RNF150: variants seen among roughly 807,000 people sequenced by gnomAD.
RNF150 encodes the protein ring finger protein 150.
A neutral mutation model predicts 39.3 loss-of-function variants in RNF150; 24 were observed. The observed-to-expected ratio is 0.61, with a 90% CI of 0.44 to 0.86. The LOEUF (loss-of-function observed/expected upper bound fraction) is 0.86, where lower values mean the gene tolerates loss of function less well. Among genes scored for constraint, RNF150 ranks in the 40% least tolerant of loss-of-function variants. The pLI, the probability that RNF150 is intolerant of heterozygous loss-of-function variation, is 0.00. For synonymous variants in RNF150, 255 were observed against 227.3 expected (o/e 1.12, Z -1.10); for missense variants, 502 against 587.8 (o/e 0.85, Z 1.51).
At chr4:140,964,776 A>G (rs1261304197) in intron 2 of RNF150, among the ~76,000 whole-genome samples, 1 of 152,048 alleles carries the variant, frequency 6.6e-6, no homozygotes, top group Non-Finnish European at 1.5e-5. Flanking sequence ...AAAATAGAGC[A>G]ATAAAGAAAA....
chr4:141,024,751 G>A (rs1487131561), intron 1 of RNF150, among the ~76,000 whole-genome samples: 2 of 152,096 alleles, frequency 1.3e-5, no homozygotes, highest in East Asian at 1.9e-4. Context: ...CAGGCAAAAC[G>A]GAGGTGCTGA....
At chr4:141,199,273 T>C (rs1322816981) in intron 1 of RNF150, among the ~76,000 whole-genome samples, 1 of 152,234 alleles carries the variant, frequency 6.6e-6, no homozygotes, top group African/African-American at 2.4e-5. Context: ...GCTGGTGGGA[T>C]TGCAAAATTT....
chr4:141,032,335 T>C (rs944728350), intron 1 of RNF150, among the ~76,000 whole-genome samples: 3 of 152,144 alleles, frequency 2.0e-5, no homozygotes, highest in African/African-American at 7.2e-5. Flanking sequence ...TTCAGTTAGA[T>C]AGAAGGAGTA....
chr4:141,073,577 A>G (rs1737784568), intron 1 of RNF150, among the ~76,000 whole-genome samples: 1 of 152,032 alleles, frequency 6.6e-6, no homozygotes, highest in South Asian at 2.1e-4. Context: ...TACTACTCAC[A>G]ATACTTATTA....
Position 140,999,977 on chromosome 4 carries a change from A to AGAAGAAGAAGAAGAAGAAGAAG in RNF150, c.485-32105_485-32104insCTTCTTCTTCTTCTTCTTCTTC, listed in dbSNP as rs70946722. Among the ~76,000 whole-genome samples the AGAAGAAGAAGAAGAAGAAGAAG allele has an allele frequency of 1.7e-4, 6 of 34,676 alleles. 1 individual carries two copies. Among genetic ancestry groups the AGAAGAAGAAGAAGAAGAAGAAG allele is most frequent in the Admixed American group, 4.1e-4 (1 of 2,436 alleles). The allele number at this position is 34,676 out of a possible 152,430, so 22.7% of individuals were successfully genotyped here. A position where few individuals can be genotyped will look rare whatever the true frequency, so the allele number is the denominator to read the frequency against. On this transcript the variant is annotated intron_variant, in intron 1 of 6. Transcript: ENST00000515673. ...AAGAAGAAGAAGAAGAAGAAGAAGAAAAGAAGAAAAGAAGAAAAGAAGAAG... is the reference window on the plus strand; with the variant it reads ...AAGAAGAAGAAGAAGAAGAAGAAGAAGAAGAAGAAGAAGAAGAAGAAGAAGAAGAAAAGAAGAAAAGAAGAAG...
chr4:141,103,095 G>T (rs2111040923), intron 1 of RNF150, among the ~76,000 whole-genome samples: 1 of 152,230 alleles, frequency 6.6e-6, no homozygotes, highest in Non-Finnish European at 1.5e-5. Context: ...AACTGTGTAG[G>T]CTCCATCAGT....
At chr4:141,035,768 G>A (rs1054593622) in intron 1 of RNF150, among the ~76,000 whole-genome samples, 1 of 152,166 alleles carries the variant, frequency 6.6e-6, no homozygotes, top group African/African-American at 2.4e-5. Context: ...ATAATGGTAT[G>A]TGGAAAAGAT....
chr4:140,932,480 A>T (rs1365337307), intron 4 of RNF150, among the ~76,000 whole-genome samples: 1 of 152,190 alleles, frequency 6.6e-6, no homozygotes, highest in Non-Finnish European at 1.5e-5. Context: ...TCAGCTGCAG[A>T]GCTAGGATTC....
chr4:141,179,393 G>T (rs1194814190), intron 1 of RNF150, among the ~76,000 whole-genome samples: 2 of 152,160 alleles, frequency 1.3e-5, no homozygotes, highest in African/African-American at 4.8e-5. Context: ...TAGTTCAATA[G>T]TAATTTGTTT....
At chr4:141,185,000 C>G (rs1727979337) in intron 1 of RNF150, among the ~76,000 whole-genome samples, 1 of 87,742 alleles carries the variant, frequency 1.1e-5, no homozygotes, top group Non-Finnish European at 2.4e-5. Context: ...ATTGTCTTGG[C>G]TATACAGGCT....
chr4:140,952,547 G>A (rs2321688), intron 2 of RNF150, among the ~76,000 whole-genome samples: 2 of 152,180 alleles, frequency 1.3e-5, no homozygotes, highest in African/African-American at 4.8e-5. Flanking sequence ...GAGAAAAAAC[G>A]CTTTCCACGC....
chr4:141,183,673 C>T (rs943183053), intron 1 of RNF150, among the ~76,000 whole-genome samples: 1 of 151,984 alleles, frequency 6.6e-6, no homozygotes, highest in Non-Finnish European at 1.5e-5. Flanking sequence ...TATCCCTCCC[C>T]TTGCCCCAAA....
chr4:141,096,134 A>G (rs1233575421), intron 1 of RNF150, among the ~76,000 whole-genome samples: 2 of 150,844 alleles, frequency 1.3e-5, no homozygotes, highest in Non-Finnish European at 2.9e-5. Flanking sequence ...ATTTGGTAAC[A>G]CAGGAGTGGT....
At chr4:141,151,409 G>GACAC (rs869289733) in intron 1 of RNF150, among the ~76,000 whole-genome samples, 28 of 121,912 alleles carry the variant, frequency 2.3e-4, no homozygotes, top group African/African-American at 7.3e-4. Flanking sequence ...CATCTCTACA[G>GACAC]ACACACACAC....
At chr4:141,155,914 T>C (rs1399429212) in intron 1 of RNF150, among the ~76,000 whole-genome samples, 1 of 117,970 alleles carries the variant, frequency 8.5e-6, no homozygotes, top group Non-Finnish European at 1.8e-5. Context: ...GTTTAACTCT[T>C]AGGAAAGAAA....
chr4:141,071,261 T>C (rs544682727), intron 1 of RNF150, among the ~76,000 whole-genome samples: 8 of 142,278 alleles, frequency 5.6e-5, no homozygotes, highest in Non-Finnish European at 9.2e-5. Flanking sequence ...AGGGATAGCA[T>C]TGGGAGATAT....
chr4:140,935,489 C>T (rs990290933), intron 4 of RNF150, among the ~76,000 whole-genome samples: 1 of 152,196 alleles, frequency 6.6e-6, no homozygotes, highest in Middle Eastern at 3.4e-3. Context: ...CCATATTTAA[C>T]GAGGTTATTA....
intron 1 of RNF150, among the ~76,000 whole-genome samples, chr4:141,080,006 AAGAC>A (rs1560727348): frequency 1.3e-5 from 2 of 152,230 alleles, no homozygotes; most frequent in Non-Finnish European, 2.9e-5. Context: ...TTAAAATTGT[AAGAC>A]AGGCACTATT....
chr4:141,169,828 C>T (rs1727668452), intron 1 of RNF150, among the ~76,000 whole-genome samples: 1 of 151,824 alleles, frequency 6.6e-6, no homozygotes, highest in South Asian at 2.1e-4. Flanking sequence ...ACAATTTAGC[C>T]TATCAGAGTC....
Sources: gnomAD v4.1 joint callset for allele counts (sites outside exome capture counted in the v4.1 genomes callset) on GRCh38, gnomAD v4.1.1 for gene constraint, MANE v1.5 for transcripts, NCBI Gene and HGNC (gene_info 2026-07-23, HGNC 2026-07-21) for gene names.